The following DLG4 variants were observed in gnomAD, a reference collection of about 807,000 sequenced individuals.
The protein encoded by DLG4 is disks large homolog 4.
In DLG4, 7 loss-of-function variants were observed where a neutral mutation model predicts 93.8. The ratio of observed to expected loss-of-function variants is 0.07; its 90% CI spans 0.04 to 0.14. The LOEUF (loss-of-function observed/expected upper bound fraction) is 0.14, where lower values mean the gene tolerates loss of function less well. Among genes scored for constraint, DLG4 ranks in the 10% least tolerant of loss-of-function variants. The pLI is 1.00. For synonymous variants in DLG4, 341 were observed against 387.6 expected (o/e 0.88, Z 1.41); for missense variants, 545 against 992.9 (o/e 0.55, Z 6.06).
chr17:7,216,276 G>C (rs981253579), intron 1 of DLG4, among the ~76,000 whole-genome samples: 1 of 152,090 alleles, frequency 6.6e-6, no homozygotes, highest in Non-Finnish European at 1.5e-5. Flanking sequence ...CAGTGTGGGA[G>C]GAGATGGGGA....
Position 7,217,537 on chromosome 17 carries a change from A to G in DLG4, c.-390T>C. ...GGGTCTTGCCAAACGGCCAGGGGCT[A>G]GGGGCCGTGGCGGGGGAGTGGGGTG... is the stretch of plus-strand genomic sequence containing the variant. On this transcript the variant is annotated 5_prime_UTR_variant, in exon 1 of 20. Coordinates refer to ENST00000399506, the MANE Select transcript of DLG4 (RefSeq NM_001321075.3). 4.0e-6 allele frequency: 1 copy of G among 252,534 alleles called. No individual in the cohort carries two copies. The highest frequency in any genetic ancestry group is 4.5e-6 in the Non-Finnish European group (1 of 219,990). The allele number at this position is 252,534 out of a possible 1,614,324, so 15.6% of individuals were successfully genotyped here.
At chr17:7,202,525 C>T (rs1024938799) in intron 8 of DLG4, among the ~76,000 whole-genome samples, 3 of 152,138 alleles carry the variant, frequency 2.0e-5, no homozygotes, top group African/African-American at 4.8e-5. Context: ...AGAAGCAAAA[C>T]GGGTCTATAC....
chr17:7,218,409 T>C, upstream of DLG4: 1 of 1,376,726 alleles, frequency 7.3e-7, no homozygotes, highest in African/African-American at 1.4e-5. Context: ...TCCACACTCA[T>C]GGAGGACACC....
rs765807698 is a variant in DLG4, at chr17:7,191,323, C to T, written c.2012G>A (p.Arg671His). 1.9e-6 allele frequency: 3 copies of T among 1,613,954 alleles called. No individual in the cohort carries two copies. The highest frequency in any genetic ancestry group is 2.5e-6 in the Non-Finnish European group (3 of 1,179,854). ...CTTGGTGGCTCTGTCGAAGGCTTTGCGGGCTTGCTCCTCTGTGATCCGCTT... is the reference window on the plus strand; with the variant it reads ...CTTGGTGGCTCTGTCGAAGGCTTTGTGGGCTTGCTCCTCTGTGATCCGCTT... ...INKRITEEQA[R>H]KAFDRATKLE... The change falls in exon 19 of 20, where the codon CGC (arginine) becomes CAC (histidine). Residue 671 changes from arginine (R) to histidine (H), a missense_variant. Physicochemically the swap from Arg to His is conservative, Grantham distance 29. Around this residue, in one of 5 missense-constraint regions of DLG4, gnomAD observed 428 missense variants for 741.4 expected, o/e 0.58. Transcript: ENST00000399506. The surrounding 1 kb of genome is among the most constrained non-coding windows in gnomAD (Gnocchi z 6.6).
chr17:7,210,600 C>T (rs148109163), intron 1 of DLG4, among the ~76,000 whole-genome samples: 7 of 152,328 alleles, frequency 4.6e-5, no homozygotes, highest in African/African-American at 9.6e-5. Flanking sequence ...CTGGGCAGTG[C>T]ACAAGCTGAG....
At chr17:7,207,348 G>GAGCC (rs543025747) in intron 2 of DLG4, among the ~76,000 whole-genome samples, 17 of 152,012 alleles carry the variant, frequency 1.1e-4, no homozygotes, top group Non-Finnish European at 1.5e-4. Flanking sequence ...ACAGCATCAA[G>GAGCC]AGCCAGCCAG....
rs1206755751 is a variant in DLG4 at position 7,188,844 on chromosome 17, G to C, written c.*1864C>G. On this transcript the variant is annotated 3_prime_UTR_variant, in exon 20 of 20. Transcript: ENST00000399506. ...TAGGACATAAAGGCTGGGCGTAGTG[G>C]CTCATGCCTGTAATCTTAACACTGT... 3.9e-5 allele frequency among the ~76,000 whole-genome samples: 6 copies of C among 152,256 alleles called. No homozygotes were observed. Among genetic ancestry groups the C allele is most frequent in the Non-Finnish European group, 5.9e-5 (4 of 68,016 alleles).
At chr17:7,217,079 T>C (rs2070950638) in intron 1 of DLG4, 39 bp downstream of exon 1, 2 of 1,257,446 alleles carry the variant, frequency 1.6e-6, no homozygotes, top group Non-Finnish European at 2.0e-6. Flanking sequence ...CACAAACTCA[T>C]ACCCTCCCCC....
intron 1 of DLG4, among the ~76,000 whole-genome samples, chr17:7,214,999 C>A (rs2070848885): frequency 6.6e-6 from 1 of 152,194 alleles, no homozygotes. Flanking sequence ...CCTGAGCACT[C>A]CCTACCCCAT....
chr17:7,206,787 C>G (rs1489463447), intron 2 of DLG4, among the ~76,000 whole-genome samples: 1 of 152,102 alleles, frequency 6.6e-6, no homozygotes, highest in Non-Finnish European at 1.5e-5. Flanking sequence ...AACTCCAGAA[C>G]CTGCTTGCCC....
Position 7,204,289 on chromosome 17 carries a change from C to G in DLG4, c.97-37G>C, listed in dbSNP as rs762418171. ...AACAAGAGACAAAAAGCAGCCTGAGCCTTGACTCGAGAGGGAGCCCATAAC... is the reference window on the plus strand; with the variant it reads ...AACAAGAGACAAAAAGCAGCCTGAGGCTTGACTCGAGAGGGAGCCCATAAC... On this transcript the variant is annotated intron_variant, in intron 2 of 19. Coordinates refer to ENST00000399506, the MANE Select transcript of DLG4 (RefSeq NM_001321075.3). The G allele has an allele frequency of 3.9e-6, 6 of 1,546,840 alleles. No individual in the cohort carries two copies. The South Asian group carries it at 7.5e-5, about 19-fold the overall frequency.
rs1464877097 is a variant in DLG4 at position 7,208,407 on chromosome 17, ACT to A, written c.31-170_31-169del. Among the ~76,000 whole-genome samples the A allele has an allele frequency of 7.7e-6, 1 of 130,584 alleles. No homozygotes were observed. The highest frequency in any genetic ancestry group is 1.7e-5 in the Non-Finnish European group (1 of 60,158). 85.7% of individuals were successfully genotyped at this position (130,584 alleles called of 152,430 possible). A position where few individuals can be genotyped will look rare whatever the true frequency, so the allele number is the denominator to read the frequency against. ...CTAGCCCATTGGCTCCCCTCTCTCC[ACT>A]CTCCCAACAGCCCCCTCTCCCGCCA... On this transcript the variant is annotated intron_variant, in intron 1 of 19. Transcript: ENST00000399506. This position sits in a 1 kb window ranked among gnomAD's most constrained non-coding sequence, Gnocchi z 5.4.
At chr17:7,192,753 G>T (rs923014403) in intron 17 of DLG4, among the ~76,000 whole-genome samples, 192 bp downstream of exon 17, 2 of 151,878 alleles carry the variant, frequency 1.3e-5, no homozygotes, top group Non-Finnish European at 2.9e-5. Flanking sequence ...AAGTGAGGGA[G>T]GTGGGAGAGA....
Position 7,193,954 on chromosome 17 carries a change from C to T in DLG4, c.1515+10G>A, listed in dbSNP as rs750859837. 1.9e-6 allele frequency: 3 copies of T among 1,613,454 alleles called. No individual in the cohort carries two copies. The African/African-American group carries it at 4.0e-5, about 22-fold the overall frequency. ...CACTTCCACCCAGGCTCACACCCTC[C>T]TCCACCTACCTTGGCCTTTAACCTT... On this transcript the variant is annotated intron_variant, in intron 13 of 19. Coordinates refer to ENST00000399506, the MANE Select transcript of DLG4 (RefSeq NM_001321075.3). This position sits in a 1 kb window ranked among gnomAD's most constrained non-coding sequence, Gnocchi z 6.7.
At position 7,193,711 on chromosome 17, in the gene DLG4, C is replaced by T. The variant is rs1487554412; in HGVS notation, c.1547G>A (p.Arg516Gln). ...DWGSSSGSQG[R>Q]EDSVLSYETV... ...CTCGTAGCTCAGAACCGAGTCTTCT[C>T]GACCTGGTGGGAGGTGGGGCATCTG... is the stretch of plus-strand genomic sequence containing the variant. The change falls in exon 15 of 20, where the codon CGA (arginine) becomes CAA (glutamine). Residue 516 changes from arginine (R) to glutamine (Q), a missense_variant. Physicochemically the swap from Arg to Gln is conservative, Grantham distance 43 (BLOSUM62 1). Coordinates refer to ENST00000399506, the MANE Select transcript of DLG4 (RefSeq NM_001321075.3). The surrounding 1 kb of genome is among the most constrained non-coding windows in gnomAD (Gnocchi z 6.7). The T allele has an allele frequency of 3.8e-6, 6 of 1,581,248 alleles. No individual in the cohort carries two copies. The highest frequency in any genetic ancestry group is 1.2e-5 in the South Asian group (1 of 85,380).
At chr17:7,218,898 G>C, upstream of DLG4, 1 of 1,598,790 alleles carries the variant, frequency 6.3e-7, no homozygotes, top group Non-Finnish European at 8.6e-7. Flanking sequence ...GATTGGAGTT[G>C]AGCTGCTTCT....
Position 7,193,079 on chromosome 17 carries a change from G to A in DLG4, c.1732C>T (p.Arg578Trp), listed in dbSNP as rs1424337986. The A allele has an allele frequency of 6.2e-7, 1 of 1,613,738 alleles. No homozygotes were observed. Among genetic ancestry groups the A allele is most frequent in the Admixed American group, 1.7e-5 (1 of 59,994 alleles). Residue 578 changes from arginine to tryptophan, a missense_variant, in exon 17 of 20, where the codon CGG becomes TGG. By Grantham distance (101) the Arg-to-Trp change is moderately radical. Around this residue, in one of 5 missense-constraint regions of DLG4, gnomAD observed 428 missense variants for 741.4 expected, o/e 0.58. Transcript: ENST00000399506. The surrounding 1 kb of genome is among the most constrained non-coding windows in gnomAD (Gnocchi z 6.7). Reference sequence around the variant, plus strand: ...CGGGACGACACAAAGTGGTAATCCCGGCCATCTATCTCATACTCCCGCTTG... The same window carrying A: ...CGGGACGACACAAAGTGGTAATCCCAGCCATCTATCTCATACTCCCGCTTG... Reference protein sequence around the residue: ...RPKREYEIDGRDYHFVSSREK... With the variant: ...RPKREYEIDGWDYHFVSSREK...
At chr17:7,219,875 C>T (rs78514016), upstream of DLG4, 7,848 of 1,540,706 alleles carry the variant, frequency 5.1e-3, 31 homozygotes, top group Non-Finnish European at 6.0e-3. Context: ...CCGTCCGCCG[C>T]CCGGTGCACT....
chr17:7,198,197 A>G (rs188573662), intron 8 of DLG4, among the ~76,000 whole-genome samples: 2 of 152,190 alleles, frequency 1.3e-5, no homozygotes, highest in Admixed American at 1.3e-4. Context: ...AAAAAGAAAA[A>G]TCTCGACCAG....
Sources: gnomAD v4.1 joint callset for allele counts (sites outside exome capture counted in the v4.1 genomes callset) on GRCh38, gnomAD v4.1.1 for gene constraint, gnomAD v4.1.1 regional missense constraint, Gnocchi (gnomAD v3.1) non-coding constraint, MANE v1.5 for transcripts, NCBI Gene and HGNC (gene_info 2026-07-23, HGNC 2026-07-21) for gene names.